ZNF395: variants seen among roughly 807,000 people sequenced by gnomAD.
ZNF395 encodes zinc finger protein 395.
Under a neutral mutation model 57.7 loss-of-function variants are expected in ZNF395, and 20 were observed. That is an observed-to-expected ratio of 0.35 (90% CI 0.24 to 0.50). ZNF395 has a LOEUF of 0.50. Ranked by LOEUF, ZNF395 falls within the 20% of genes least tolerant of loss-of-function variation. ZNF395 has a pLI of 0.97. For missense variants in ZNF395, 606 were observed against 671.2 expected (o/e 0.90, Z 1.07); for synonymous variants, 295 against 275.9 (o/e 1.07, Z -0.69).
In ZNF395 at chr8:28,346,473, G is replaced by A. The variant is rs1225999074; in HGVS notation, c.*2246C>T. On this transcript the variant is annotated 3_prime_UTR_variant, in exon 10 of 10. Coordinates refer to ENST00000344423, the MANE Select transcript of ZNF395 (RefSeq NM_018660.3). ...GTGCCAAGGAGGAGAGGGGGCACAAGCGCAGGCAGGGAAGGTGGCACCAAA... is the reference window on the plus strand; with the variant it reads ...GTGCCAAGGAGGAGAGGGGGCACAAACGCAGGCAGGGAAGGTGGCACCAAA... The A allele has an allele frequency of 6.6e-6, 1 of 152,580 alleles. No individual in the cohort carries two copies. Among genetic ancestry groups the A allele is most frequent in the Non-Finnish European group, 1.5e-5 (1 of 68,320 alleles). 9.5% of individuals were successfully genotyped at this position (152,580 alleles called of 1,614,324 possible).
Position 28,347,566 on chromosome 8 carries a change from CA to C in ZNF395, c.*1152del. The stretch of plus-strand genomic sequence containing the variant: ...TGGAGGCTCCAGAAACACCAAGGGC[CA>C]AAACGCCAGCAGCCACTAACCCAAA... On this transcript the variant is annotated 3_prime_UTR_variant, in exon 10 of 10. Transcript: ENST00000344423. The C allele has an allele frequency of 6.6e-6, 1 of 152,552 alleles. No individual in the cohort carries two copies. Among genetic ancestry groups the C allele is most frequent in the Non-Finnish European group, 1.5e-5 (1 of 68,298 alleles). The allele number at this position is 152,552 out of a possible 1,614,324, so 9.4% of individuals were successfully genotyped here.
intron 1 of ZNF395, among the ~76,000 whole-genome samples, chr8:28,381,855 C>T (rs1251779711): frequency 6.6e-6 from 1 of 152,158 alleles, no homozygotes; most frequent in Non-Finnish European, 1.5e-5. Flanking sequence ...ACGGAGAACA[C>T]AGGTCAAAGC....
At chr8:28,373,398 C>T (rs572034349) in intron 1 of ZNF395, among the ~76,000 whole-genome samples, 64 of 152,340 alleles carry the variant, frequency 4.2e-4, no homozygotes, top group African/African-American at 1.5e-3. Context: ...GTGGCACATG[C>T]CATTCTTCTG....
intron 1 of ZNF395, among the ~76,000 whole-genome samples, chr8:28,381,014 AGTGTGTGTGT>A (rs10561721): frequency 0.04 from 5,353 of 134,242 alleles, 282 homozygotes; most frequent in African/African-American, 0.12. Flanking sequence ...ACACCCTGCT[AGTGTGTGTGT>A]GTGTGTGTGT....
At chr8:28,361,812 C>T (rs558506707) in intron 1 of ZNF395, among the ~76,000 whole-genome samples, 223 of 152,288 alleles carry the variant, frequency 1.5e-3, no homozygotes, top group South Asian at 6.4e-3. Flanking sequence ...CCGAGCTTGG[C>T]CGGGCGTGGT....
chr8:28,363,684 T>A (rs1456268605), intron 1 of ZNF395, among the ~76,000 whole-genome samples: 2 of 152,042 alleles, frequency 1.3e-5, no homozygotes, highest in Admixed American at 6.6e-5. Flanking sequence ...GAGCAGGAAG[T>A]TTGGGGTTTC....
chr8:28,359,206 G>GACCAATAAATATGGTGAA lies in ZNF395; in HGVS notation c.473+368_473+385dup, dbSNP rs554715480. 1.7e-4 allele frequency among the ~76,000 whole-genome samples: 26 copies of GACCAATAAATATGGTGAA among 152,288 alleles called. No homozygotes were observed. Among genetic ancestry groups the GACCAATAAATATGGTGAA allele is most frequent in the African/African-American group, 5.8e-4 (24 of 41,570 alleles). ...GAGGTCGGGAGTTTGAGACCAGCCT[G>GACCAATAAATATGGTGAA]ACCAATAAATATGGTGAAACCCCAT... On this transcript the variant is annotated intron_variant, in intron 3 of 9. Transcript: ENST00000344423. The surrounding 1 kb of genome is among the most constrained non-coding windows in gnomAD (Gnocchi z 4.7).
chr8:28,369,910 T>C (rs1006535796), intron 1 of ZNF395, among the ~76,000 whole-genome samples: 12 of 152,210 alleles, frequency 7.9e-5, no homozygotes, highest in Admixed American at 4.6e-4. Context: ...CTGCCCTTAA[T>C]GAATTTGGGG....
Position 28,348,377 on chromosome 8 carries a change from G to A in ZNF395, c.*342C>T, listed in dbSNP as rs1801634417. On this transcript the variant is annotated 3_prime_UTR_variant, in exon 10 of 10. Coordinates refer to ENST00000344423, the MANE Select transcript of ZNF395 (RefSeq NM_018660.3). ...GACTCAGCAGGAAGCAGAACGAGCT[G>A]TTCCTTCTTTTGACACGCACAAGCT... 1 of 248,638 alleles carries A rather than the reference G, an allele frequency of 4.0e-6. No homozygotes were observed. The highest frequency in any genetic ancestry group is 4.0e-5 in the South Asian group (1 of 24,938). 15.4% of individuals were successfully genotyped at this position (248,638 alleles called of 1,614,324 possible).
intron 1 of ZNF395, among the ~76,000 whole-genome samples, chr8:28,382,544 C>A (rs938133082): frequency 6.6e-6 from 1 of 152,174 alleles, no homozygotes. Flanking sequence ...TCCCAGACTT[C>A]CTTCCTTGTC....
At chr8:28,355,130 T>C (rs1801764425) in intron 4 of ZNF395, among the ~76,000 whole-genome samples, 1 of 152,096 alleles carries the variant, frequency 6.6e-6, no homozygotes, top group Non-Finnish European at 1.5e-5. Flanking sequence ...TTCTATACCA[T>C]GAAAATAAAG....
intron 1 of ZNF395, among the ~76,000 whole-genome samples, chr8:28,377,392 G>C (rs1256972750): frequency 6.6e-6 from 1 of 152,146 alleles, no homozygotes; most frequent in Non-Finnish European, 1.5e-5. Flanking sequence ...AACAGAGTAA[G>C]ATCCTGTCTC....
At chr8:28,357,140 G>A (rs1801790683) in intron 3 of ZNF395, among the ~76,000 whole-genome samples, 1 of 152,074 alleles carries the variant, frequency 6.6e-6, no homozygotes, top group African/African-American at 2.4e-5. Flanking sequence ...TTTATTTAGG[G>A]GAAAGAGGAT....
chr8:28,383,069 T>A (rs1802129656), intron 1 of ZNF395, among the ~76,000 whole-genome samples: 1 of 152,222 alleles, frequency 6.6e-6, no homozygotes, highest in Non-Finnish European at 1.5e-5. Flanking sequence ...GACCACTGCT[T>A]CATGCAATTA....
At chr8:28,350,024 C>T (rs1333453936) in intron 8 of ZNF395, 40 bp downstream of exon 8, 6 of 1,524,728 alleles carry the variant, frequency 3.9e-6, no homozygotes, top group East Asian at 2.4e-5. Context: ...GGAGAGCCCT[C>T]GGCCATACGA....
At chr8:28,368,806 G>T (rs1801941940) in intron 1 of ZNF395, among the ~76,000 whole-genome samples, 1 of 152,080 alleles carries the variant, frequency 6.6e-6, no homozygotes, top group African/African-American at 2.4e-5. Flanking sequence ...AGAAAGCAGA[G>T]GAACACAGGA....
In ZNF395 at chr8:28,370,315, T is replaced by C. The variant is rs1585861286; in HGVS notation, c.-58-9133A>G. Among the ~76,000 whole-genome samples the C allele has an allele frequency of 2.0e-5, 3 of 152,236 alleles. No individual in the cohort carries two copies. In the South Asian group the frequency reaches 6.2e-4, roughly 32 times the overall value. On this transcript the variant is annotated intron_variant, in intron 1 of 9. Transcript: ENST00000344423. ...AAGACAGGCACCATCGGGGAAGATT[T>C]AAATACATAGTGGAAAATAAACGGA...
chr8:28,351,797 C>A lies in ZNF395; in HGVS notation c.931G>T (p.Asp311Tyr). 6.4e-7 allele frequency: 1 copy of A among 1,550,472 alleles called. No individual in the cohort carries two copies. Among genetic ancestry groups the A allele is most frequent in the Non-Finnish European group, 8.7e-7 (1 of 1,150,342 alleles). ...VKALHLGDTVDSDQFKREEDF... is the reference protein window; with the variant it reads ...VKALHLGDTVYSDQFKREEDF... ...TCCTCCCGCTTGAACTGATCAGAGT[C>A]CACTGTGTCCCTGTGTGGGAGGGAG... The change falls in exon 7 of 10, where the codon GAC becomes TAC. Residue 311 changes from aspartate (D) to tyrosine (Y), a missense_variant. Asp to Tyr is a radical substitution (Grantham distance 160). Around this residue, in one of 3 missense-constraint regions of ZNF395, gnomAD observed 261 missense variants for 240.3 expected, o/e 1.09. Transcript: ENST00000344423.
At chr8:28,362,694 C>G (rs1801865011) in intron 1 of ZNF395, among the ~76,000 whole-genome samples, 1 of 152,226 alleles carries the variant, frequency 6.6e-6, no homozygotes. Flanking sequence ...ACCACACTAT[C>G]TCCACACCTC....
Sources: allele counts gnomAD v4.1 joint callset (sites outside exome capture counted in the v4.1 genomes callset), GRCh38; gene constraint gnomAD v4.1.1; regional missense constraint gnomAD v4.1.1; non-coding constraint Gnocchi (gnomAD v3.1); transcripts MANE v1.5; gene names NCBI Gene and HGNC (gene_info 2026-07-23, HGNC 2026-07-21).